Variants in BRIP1 observed in about 807,000 individuals in gnomAD.
BRIP1 encodes Fanconi anemia group J protein.
In BRIP1, 88 loss-of-function variants were observed where a neutral mutation model predicts 119.7. The ratio of observed to expected loss-of-function variants is 0.74; its 90% CI spans 0.62 to 0.88. The LOEUF is 0.88. Ranked by LOEUF, BRIP1 falls within the 40% of genes least tolerant of loss-of-function variation. The pLI is 0.00. For missense variants in BRIP1, 1,259 were observed against 1,455.4 expected (o/e 0.87, Z 2.20); for synonymous variants, 443 against 496.5 (o/e 0.89, Z 1.43).
At position 61,768,923 on chromosome 17, in the gene BRIP1, C is replaced by T. The variant is rs187459662; in HGVS notation, c.2097+7478G>A. ...ACAATGCACCCCTACAGAAGAGACA[C>T]CTTTGTTGGCTTTGAAGAAGGAAAA... On this transcript the variant is annotated intron_variant, in intron 14 of 19. Coordinates refer to ENST00000259008, the MANE Select transcript of BRIP1 (RefSeq NM_032043.3). This position sits in a 1 kb window ranked among gnomAD's most constrained non-coding sequence, Gnocchi z 5.0. Among the ~76,000 whole-genome samples, 36 of 152,116 alleles carry T rather than the reference C, an allele frequency of 2.4e-4. No homozygotes were observed. Among genetic ancestry groups the T allele is most frequent in the African/African-American group, 7.0e-4 (29 of 41,504 alleles).
At position 61,806,980 on chromosome 17, in the gene BRIP1, A is replaced by G. The variant is rs1339139839; in HGVS notation, c.918+1487T>C. 3.3e-5 allele frequency among the ~76,000 whole-genome samples: 5 copies of G among 152,370 alleles called. No homozygotes were observed. Among genetic ancestry groups the G allele is most frequent in the Non-Finnish European group, 7.3e-5 (5 of 68,036 alleles). On this transcript the variant is annotated intron_variant, in intron 7 of 19. Coordinates refer to ENST00000259008, the MANE Select transcript of BRIP1 (RefSeq NM_032043.3). The surrounding 1 kb of genome is among the most constrained non-coding windows in gnomAD (Gnocchi z 4.9). ...AGTGCTGGGATTACAGGCATGAACC[A>G]TCAGGCCCAGCCAATGTATTTTTTA...
In BRIP1 at chr17:61,799,838, G is replaced by T. The variant is rs1341967915; in HGVS notation, c.1141-539C>A. On this transcript the variant is annotated intron_variant, in intron 8 of 19. Coordinates refer to ENST00000259008, the MANE Select transcript of BRIP1 (RefSeq NM_032043.3). This position sits in a 1 kb window ranked among gnomAD's most constrained non-coding sequence, Gnocchi z 5.1. The stretch of plus-strand genomic sequence containing the variant: ...CTGTCCTGCAATCCTTCTCCAACAT[G>T]GGAGTTGGAGAATTGTTCTTCTCCA... Among the ~76,000 whole-genome samples the T allele has an allele frequency of 6.6e-6, 1 of 151,918 alleles. No individual in the cohort carries two copies. Among genetic ancestry groups the T allele is most frequent in the Non-Finnish European group, 1.5e-5 (1 of 67,960 alleles).
At position 61,739,346 on chromosome 17, in the gene BRIP1, A is replaced by G. The variant is rs1388079081; in HGVS notation, c.2379+3667T>C. On this transcript the variant is annotated intron_variant, in intron 16 of 19. Coordinates refer to ENST00000259008, the MANE Select transcript of BRIP1 (RefSeq NM_032043.3). The surrounding 1 kb of genome is among the most constrained non-coding windows in gnomAD (Gnocchi z 6.0). ...AGCTGTAGTCAAGGCAGCATCAGCCATTTTAGAATAGGAGACCCAGCTTTG... is the reference window on the plus strand; with the variant it reads ...AGCTGTAGTCAAGGCAGCATCAGCCGTTTTAGAATAGGAGACCCAGCTTTG... The G allele has an allele frequency of 1.5e-5, 3 of 198,098 alleles. No homozygotes were observed. The highest frequency in any genetic ancestry group is 1.9e-4 in the South Asian group (1 of 5,232). 12.3% of individuals were successfully genotyped at this position (198,098 alleles called of 1,614,324 possible).
chr17:61,728,005 T>C (rs1264979280), intron 16 of BRIP1, among the ~76,000 whole-genome samples: 2 of 151,902 alleles, frequency 1.3e-5, no homozygotes, highest in Non-Finnish European at 2.9e-5. Context: ...ATTTTTGTAT[T>C]TTTAGTAGAC....
chr17:61,842,695 T>A lies in BRIP1; in HGVS notation c.627+4406A>T, dbSNP rs1249647589. On this transcript the variant is annotated intron_variant, in intron 6 of 19. Transcript: ENST00000259008. This position sits in a 1 kb window ranked among gnomAD's most constrained non-coding sequence, Gnocchi z 5.1. ...GCTAAAGGTAAGAACTACAAATATGTATCCATCTGCTGCTGTTACTACTAC... is the reference window on the plus strand; with the variant it reads ...GCTAAAGGTAAGAACTACAAATATGAATCCATCTGCTGCTGTTACTACTAC... 3.3e-5 allele frequency among the ~76,000 whole-genome samples: 5 copies of A among 152,226 alleles called. No individual in the cohort carries two copies. The highest frequency in any genetic ancestry group is 7.3e-5 in the Non-Finnish European group (5 of 68,036).
rs2144325880 is a variant in BRIP1, at chr17:61,709,438, G to T, written c.2492+6513C>A. ...TAAATTTTATAGGGCATTATTTTTT[G>T]ATATTATTTTAAAGTAACCTATAGG... On this transcript the variant is annotated intron_variant, in intron 17 of 19. Coordinates refer to ENST00000259008, the MANE Select transcript of BRIP1 (RefSeq NM_032043.3). The surrounding 1 kb of genome is among the most constrained non-coding windows in gnomAD (Gnocchi z 5.0). Among the ~76,000 whole-genome samples the T allele has an allele frequency of 6.6e-6, 1 of 152,128 alleles. No individual in the cohort carries two copies. The highest frequency in any genetic ancestry group is 6.5e-5 in the Admixed American group (1 of 15,278).
In BRIP1 at chr17:61,742,267, G is replaced by T. The variant is rs1567778739; in HGVS notation, c.2379+746C>A. On this transcript the variant is annotated intron_variant, in intron 16 of 19. Coordinates refer to ENST00000259008, the MANE Select transcript of BRIP1 (RefSeq NM_032043.3). The surrounding 1 kb of genome is among the most constrained non-coding windows in gnomAD (Gnocchi z 4.7). Reference sequence around the variant, plus strand: ...AAGTTTTGGCTTAAGAGAATGTTACGGACAGTTTGATCTTCTTTCCAGACA... The same window carrying T: ...AAGTTTTGGCTTAAGAGAATGTTACTGACAGTTTGATCTTCTTTCCAGACA... 6.6e-6 allele frequency among the ~76,000 whole-genome samples: 1 copy of T among 152,132 alleles called. No individual in the cohort carries two copies. Among genetic ancestry groups the T allele is most frequent in the Non-Finnish European group, 1.5e-5 (1 of 68,020 alleles).
chr17:61,837,472 T>C (rs2078591997), intron 6 of BRIP1, among the ~76,000 whole-genome samples: 1 of 152,148 alleles, frequency 6.6e-6, no homozygotes, highest in Non-Finnish European at 1.5e-5. Flanking sequence ...TAAAATAATA[T>C]GCTACTGCTA....
chr17:61,834,780 C>T lies in BRIP1; in HGVS notation c.627+12321G>A, dbSNP rs2078546131. Among the ~76,000 whole-genome samples the T allele has an allele frequency of 6.6e-6, 1 of 152,156 alleles. No individual in the cohort carries two copies. Among genetic ancestry groups the T allele is most frequent in the South Asian group, 2.1e-4 (1 of 4,826 alleles). On this transcript the variant is annotated intron_variant, in intron 6 of 19. Coordinates refer to ENST00000259008, the MANE Select transcript of BRIP1 (RefSeq NM_032043.3). This position sits in a 1 kb window ranked among gnomAD's most constrained non-coding sequence, Gnocchi z 4.4. ...TGATGAGAGAGACCCACCTCATGGT[C>T]CCAGCTGACTACCAATCAACTCCCT...
chr17:61,687,318 A>G lies in BRIP1; in HGVS notation c.2576-1153T>C, dbSNP rs2061377290. Among the ~76,000 whole-genome samples, 1 of 152,214 alleles carries G rather than the reference A, an allele frequency of 6.6e-6. No homozygotes were observed. The highest frequency in any genetic ancestry group is 1.9e-4 in the East Asian group (1 of 5,196). ...CATTTCAACCTTTTTATAATCAAAG[A>G]AAGCCTTTTCAATGTAAAATATCAT... On this transcript the variant is annotated intron_variant, in intron 18 of 19. Coordinates refer to ENST00000259008, the MANE Select transcript of BRIP1 (RefSeq NM_032043.3). The surrounding 1 kb of genome is among the most constrained non-coding windows in gnomAD (Gnocchi z 5.1).
chr17:61,826,752 A>AC (rs2078414952), intron 6 of BRIP1, among the ~76,000 whole-genome samples: 1 of 150,660 alleles, frequency 6.6e-6, no homozygotes, highest in Non-Finnish European at 1.5e-5. Context: ...AAAAAAAAAA[A>AC]AAAAACAGAT....
At chr17:61,785,365 G>T (rs2145152937) in intron 10 of BRIP1, among the ~76,000 whole-genome samples, 1 of 152,206 alleles carries the variant, frequency 6.6e-6, no homozygotes, top group African/African-American at 2.4e-5. Context: ...GAAAACAGAA[G>T]AGTATGTTCC....
At position 61,703,853 on chromosome 17, in the gene BRIP1, G is replaced by A. The variant is rs548973646; in HGVS notation, c.2493-10341C>T. 8.5e-5 allele frequency among the ~76,000 whole-genome samples: 13 copies of A among 152,058 alleles called. No homozygotes were observed. The highest frequency in any genetic ancestry group is 2.2e-4 in the African/African-American group (9 of 41,478). ...GGTCCAGTTTCAATCTTCTGCTTAC[G>A]GCTAGCCAGTTAGGTCCCACTTGTC... On this transcript the variant is annotated intron_variant, in intron 17 of 19. Transcript: ENST00000259008. This position sits in a 1 kb window ranked among gnomAD's most constrained non-coding sequence, Gnocchi z 5.0.
rs2061902658 is a variant in BRIP1, at chr17:61,717,728, A to C, written c.2380-1665T>G. Among the ~76,000 whole-genome samples, 1 of 152,072 alleles carries C rather than the reference A, an allele frequency of 6.6e-6. No individual in the cohort carries two copies. Among genetic ancestry groups the C allele is most frequent in the African/African-American group, 2.4e-5 (1 of 41,432 alleles). ...GCTTATAGTTTCTATCAAACTTGAAAAATTTTCAGCCATTATTTCTCTAAA... is the reference window on the plus strand; with the variant it reads ...GCTTATAGTTTCTATCAAACTTGAACAATTTTCAGCCATTATTTCTCTAAA... On this transcript the variant is annotated intron_variant, in intron 16 of 19. Coordinates refer to ENST00000259008, the MANE Select transcript of BRIP1 (RefSeq NM_032043.3). The surrounding 1 kb of genome is among the most constrained non-coding windows in gnomAD (Gnocchi z 4.1).
At chr17:61,801,567 A>C (rs2077995388) in intron 7 of BRIP1, 93 bp from the exon 8 acceptor site, 1 of 1,230,336 alleles carries the variant, frequency 8.1e-7, no homozygotes, top group East Asian at 2.4e-5. Flanking sequence ...ACATCATTAA[A>C]GCCACAAGGC....
In BRIP1 at chr17:61,798,507, A is replaced by C. The variant is rs2077935982; in HGVS notation, c.1340+593T>G. ...CAAACCATGTGACTGTGTAACATTC[A>C]AATTTTTTTAAAGTGTAAATGTGAA... On this transcript the variant is annotated intron_variant, in intron 9 of 19. Coordinates refer to ENST00000259008, the MANE Select transcript of BRIP1 (RefSeq NM_032043.3). This position sits in a 1 kb window ranked among gnomAD's most constrained non-coding sequence, Gnocchi z 5.5. 6.6e-6 allele frequency among the ~76,000 whole-genome samples: 1 copy of C among 152,052 alleles called. No individual in the cohort carries two copies. Among genetic ancestry groups the C allele is most frequent in the African/African-American group, 2.4e-5 (1 of 41,438 alleles).
chr17:61,777,026 T>C (rs1173830746), intron 13 of BRIP1, among the ~76,000 whole-genome samples: 1 of 152,172 alleles, frequency 6.6e-6, no homozygotes, highest in Non-Finnish European at 1.5e-5. Context: ...TCCTTAGTCA[T>C]AGAAAAAAAT....
At chr17:61,847,334 T>G in intron 5 of BRIP1, 114 bp from the exon 6 acceptor site, 1 of 1,148,686 alleles carries the variant, frequency 8.7e-7, no homozygotes. Context: ...AAAAAAAGAC[T>G]ATTTCTAACA....
chr17:61,817,462 T>G (rs1400031181), intron 6 of BRIP1, among the ~76,000 whole-genome samples: 7 of 152,202 alleles, frequency 4.6e-5, no homozygotes, highest in Non-Finnish European at 1.0e-4. Flanking sequence ...TTCCACATAT[T>G]AACCAAAATG....
Sources: allele counts gnomAD v4.1 joint callset (sites outside exome capture counted in the v4.1 genomes callset), GRCh38; gene constraint gnomAD v4.1.1; non-coding constraint Gnocchi (gnomAD v3.1); transcripts MANE v1.5; gene names NCBI Gene and HGNC (gene_info 2026-07-23, HGNC 2026-07-21).